ITGBL1: variants seen among roughly 807,000 people sequenced by gnomAD.
ITGBL1 encodes the protein integrin beta-like protein 1.
In ITGBL1, 51 loss-of-function variants were observed where a neutral mutation model predicts 68.5. That is an observed-to-expected ratio of 0.74 (90% CI 0.59 to 0.94). ITGBL1 has a LOEUF of 0.94. Ranked by LOEUF, ITGBL1 falls within the 40% of genes least tolerant of loss-of-function variation. The pLI is 0.00. For synonymous variants in ITGBL1, 209 were observed against 227.3 expected (o/e 0.92, Z 0.72); for missense variants, 649 against 647.4 (o/e 1.00, Z -0.03).
At chr13:101,499,693 G>T (rs900418267) in intron 2 of ITGBL1, among the ~76,000 whole-genome samples, 3 of 152,104 alleles carry the variant, frequency 2.0e-5, no homozygotes, top group Admixed American at 2.0e-4. Flanking sequence ...TTTGGCAATT[G>T]ATTTTTCTAT....
At chr13:101,524,933 C>G (rs1369902253) in intron 2 of ITGBL1, among the ~76,000 whole-genome samples, 3 of 152,124 alleles carry the variant, frequency 2.0e-5, no homozygotes, top group African/African-American at 4.8e-5. Context: ...GAGGGCTGCA[C>G]ACAACCTTGG....
chr13:101,717,266 A>G (rs565443275), downstream of ITGBL1: 1 of 152,260 alleles, frequency 6.6e-6, no homozygotes, highest in East Asian at 1.9e-4. Flanking sequence ...CCTGATTTTT[A>G]TAGTACTAAC....
intron 2 of ITGBL1, among the ~76,000 whole-genome samples, chr13:101,469,778 G>T (rs1388664872): frequency 2.0e-5 from 3 of 152,182 alleles, no homozygotes; most frequent in African/African-American, 7.2e-5. Flanking sequence ...TTTATTAAAA[G>T]ATAGTACAGT....
At chr13:101,631,417 T>G (rs2031973867) in intron 7 of ITGBL1, among the ~76,000 whole-genome samples, 1 of 152,136 alleles carries the variant, frequency 6.6e-6, no homozygotes, top group African/African-American at 2.4e-5. Flanking sequence ...TTGTAGATGT[T>G]AAGTCTATAT....
intron 7 of ITGBL1, among the ~76,000 whole-genome samples, chr13:101,618,016 C>A (rs1451490079): frequency 6.6e-6 from 1 of 152,072 alleles, no homozygotes; most frequent in Non-Finnish European, 1.5e-5. Flanking sequence ...GTTACATTGG[C>A]AATATAAGGT....
intron 7 of ITGBL1, among the ~76,000 whole-genome samples, chr13:101,629,089 A>C (rs974388572): frequency 6.6e-6 from 1 of 152,174 alleles, no homozygotes; most frequent in African/African-American, 2.4e-5. Context: ...GTTTTGTGTT[A>C]AATTCTGCTG....
rs1158021810 is a variant in ITGBL1 at position 101,715,590 on chromosome 13, G to A, written c.1421G>A (p.Cys474Tyr). The change falls in exon 11 of 11, where the codon TGT becomes TAT. Residue 474 changes from cysteine to tyrosine, a missense_variant. Coordinates refer to ENST00000376180, the MANE Select transcript of ITGBL1 (RefSeq NM_004791.3). ...AATGGAATATGTAGCTGTGGAAACT[G>A]TGAATGCTGGGATGGATGGAATGGA... ...TGNGICSCGNCECWDGWNGNA... is the reference protein window; with the variant it reads ...TGNGICSCGNYECWDGWNGNA... 2 of 1,613,240 alleles carry A rather than the reference G, an allele frequency of 1.2e-6. No homozygotes were observed. The highest frequency in any genetic ancestry group is 8.5e-7 in the Non-Finnish European group (1 of 1,179,268).
At chr13:101,632,550 C>G (rs909275802) in intron 7 of ITGBL1, among the ~76,000 whole-genome samples, 1 of 152,142 alleles carries the variant, frequency 6.6e-6, no homozygotes, top group East Asian at 1.9e-4. Context: ...GAAATGTCTG[C>G]AAACAATATG....
At position 101,604,887 on chromosome 13, in the gene ITGBL1, TACAC is replaced by T. The variant is rs1555361670; in HGVS notation, c.1015+6600_1015+6603del. Among the ~76,000 whole-genome samples, 2 of 22,164 alleles carry T rather than the reference TACAC, an allele frequency of 9.0e-5. 1 individual carries two copies. The highest frequency in any genetic ancestry group is 3.0e-4 in the African/African-American group (2 of 6,632). The allele number at this position is 22,164 out of a possible 152,430, so 14.5% of individuals were successfully genotyped here. On this transcript the variant is annotated intron_variant, in intron 7 of 10. Transcript: ENST00000376180. Reference sequence around the variant, plus strand: ...ATATATATATATATATATATATATATACACACACACACACATATATATGTGCATA... The same window carrying T: ...ATATATATATATATATATATATATATACACACACACATATATATGTGCATA...
chr13:101,605,106 A>ATGTATATGTGTAAATATACATG (rs2030680015), intron 7 of ITGBL1, among the ~76,000 whole-genome samples: 2 of 147,056 alleles, frequency 1.4e-5, no homozygotes, highest in African/African-American at 5.0e-5. Context: ...ATGTGTATAT[A>ATGTATATGTGTAAATATACATG]TGTATATGTG....
intron 2 of ITGBL1, among the ~76,000 whole-genome samples, chr13:101,514,074 A>G (rs1313035119): frequency 1.3e-5 from 2 of 152,084 alleles, no homozygotes; most frequent in East Asian, 3.9e-4. Flanking sequence ...ACACAAACAC[A>G]TGTTCTGTGT....
At chr13:101,671,584 G>A (rs912134123) in intron 7 of ITGBL1, among the ~76,000 whole-genome samples, 25 of 149,712 alleles carry the variant, frequency 1.7e-4, no homozygotes, top group South Asian at 4.3e-4. Flanking sequence ...GACTACAGGC[G>A]CCCGCCACCA....
At chr13:101,536,832 A>T (rs9518431) in intron 2 of ITGBL1, among the ~76,000 whole-genome samples, 18,407 of 151,976 alleles carry the variant, frequency 0.12, 1,644 homozygotes, top group African/African-American at 0.25. Context: ...TCATATTAAT[A>T]ATTATTTCCA....
intron 9 of ITGBL1, among the ~76,000 whole-genome samples, chr13:101,709,371 C>CAAAAAAAAAAA (rs747662212): frequency 1.8e-4 from 11 of 61,194 alleles, no homozygotes; most frequent in East Asian, 7.9e-4. Context: ...GACTCCGTCT[C>CAAAAAAAAAAA]AAAAAAAAAA....
chr13:101,537,391 G>A (rs2049597768), intron 2 of ITGBL1, among the ~76,000 whole-genome samples: 1 of 151,952 alleles, frequency 6.6e-6, no homozygotes. Context: ...AATTTTATAT[G>A]AAACTTAATC....
At chr13:101,508,677 T>C (rs2049064404) in intron 2 of ITGBL1, among the ~76,000 whole-genome samples, 1 of 152,170 alleles carries the variant, frequency 6.6e-6, no homozygotes, top group African/African-American at 2.4e-5. Flanking sequence ...ATTTACATTG[T>C]TTTATTCTAT....
chr13:101,509,732 A>G (rs965222066), intron 2 of ITGBL1, among the ~76,000 whole-genome samples: 1 of 152,142 alleles, frequency 6.6e-6, no homozygotes, highest in Non-Finnish European at 1.5e-5. Context: ...CTGATTCCAG[A>G]GTGAACAGAA....
intron 7 of ITGBL1, among the ~76,000 whole-genome samples, chr13:101,671,445 TTG>T (rs1491052759): frequency 0.12 from 13,352 of 110,356 alleles, 1,415 homozygotes; most frequent in African/African-American, 0.26. Context: ...TTGTTTTTTT[TTG>T]TTTTTTTTTG....
intron 7 of ITGBL1, among the ~76,000 whole-genome samples, chr13:101,687,328 A>C (rs186032664): frequency 4.6e-5 from 7 of 151,308 alleles, no homozygotes; most frequent in Non-Finnish European, 8.8e-5. Flanking sequence ...TGTAGTTCTT[A>C]TGAGAAAAAA....
Sources: gnomAD v4.1 joint callset for allele counts (sites outside exome capture counted in the v4.1 genomes callset) on GRCh38, gnomAD v4.1.1 for gene constraint, MANE v1.5 for transcripts, NCBI Gene and HGNC (gene_info 2026-07-23, HGNC 2026-07-21) for gene names.